Variants in NOX4 observed in about 807,000 individuals in gnomAD.
NOX4 encodes kidney oxidase-1.
Under a neutral mutation model 87.6 loss-of-function variants are expected in NOX4, and 69 were observed. That is an observed-to-expected ratio of 0.79 (90% CI 0.65 to 0.96). The LOEUF is 0.96. Ranked by LOEUF, NOX4 falls within the 40% of genes least tolerant of loss-of-function variation. The pLI is 0.00. For synonymous variants in NOX4, 275 were observed against 238.2 expected, an observed-to-expected ratio of 1.15 and a Z score of -1.42; for missense variants, 680 against 681.5, an observed-to-expected ratio of 1.00 and a Z score of 0.02.
the NOX4 span, among the ~76,000 whole-genome samples, chr11:89,571,485 C>T: frequency 1.3e-5 from 2 of 151,922 alleles, no homozygotes; most frequent in African/African-American, 2.4e-5. Context: ...GTAGTAGAGA[C>T]GGCATTTCAC....
chr11:89,331,099 G>T (rs1945449503), intron 17 of NOX4, among the ~76,000 whole-genome samples: 2 of 151,820 alleles, frequency 1.3e-5, no homozygotes, highest in African/African-American at 4.8e-5. Flanking sequence ...CAATAAAACA[G>T]GTGTCAATAC....
intron 6 of NOX4, among the ~76,000 whole-genome samples, chr11:89,439,831 T>C (rs1448579597): frequency 6.6e-6 from 1 of 152,276 alleles, no homozygotes; most frequent in East Asian, 1.9e-4. Flanking sequence ...ACAATAAGCT[T>C]GAAAAGGAAA....
In NOX4 at chr11:89,440,674, G is replaced by A. The variant is rs1368053226; in HGVS notation, c.475+14C>T. 2.0e-6 allele frequency: 3 copies of A among 1,532,004 alleles called. No individual in the cohort carries two copies. The highest frequency in any genetic ancestry group is 2.7e-6 in the Non-Finnish European group (3 of 1,124,490). The allele number at this position is 1,532,004 out of a possible 1,614,324, so 94.9% of individuals were successfully genotyped here. ...TTCCTAAACCTAAAGAAAAGGCTAA[G>A]AATAACAACTTACCAGTTGTGAAGA... On this transcript the variant is annotated intron_variant, in intron 6 of 17. Transcript: ENST00000263317.
the NOX4 span, among the ~76,000 whole-genome samples, chr11:89,538,631 T>C: frequency 6.6e-6 from 1 of 152,178 alleles, no homozygotes; most frequent in African/African-American, 2.4e-5. Context: ...AAATGACCTT[T>C]CTACATCTTC....
chr11:89,549,908 T>G, the NOX4 span, among the ~76,000 whole-genome samples: 1 of 152,380 alleles, frequency 6.6e-6, no homozygotes, highest in Non-Finnish European at 1.5e-5. Context: ...TTGATGGGCA[T>G]TTGGATTCAT....
chr11:89,488,978 G>T, intron 2 of NOX4: 1 of 702,630 alleles, frequency 1.4e-6, no homozygotes, highest in Non-Finnish European at 2.6e-6. Flanking sequence ...GAAATGTATA[G>T]GTTTCAAGAC....
chr11:89,474,906 A>G (rs1946099772), intron 2 of NOX4, among the ~76,000 whole-genome samples: 1 of 152,044 alleles, frequency 6.6e-6, no homozygotes, highest in Non-Finnish European at 1.5e-5. Context: ...ATCTAATAAC[A>G]TGTCCAAAGG....
At chr11:89,368,826 G>A (rs1939216155) in intron 12 of NOX4, among the ~76,000 whole-genome samples, 2 of 152,024 alleles carry the variant, frequency 1.3e-5, no homozygotes, top group Non-Finnish European at 2.9e-5. Flanking sequence ...GGTGGGAAGA[G>A]AAGCACTTCT....
chr11:89,473,133 A>G (rs1946015700), intron 2 of NOX4, among the ~76,000 whole-genome samples: 1 of 152,130 alleles, frequency 6.6e-6, no homozygotes, highest in Non-Finnish European at 1.5e-5. Flanking sequence ...AGGTTTCAAA[A>G]CTTACAGAGC....
the NOX4 span, among the ~76,000 whole-genome samples, chr11:89,565,717 A>G: frequency 2.6e-5 from 4 of 151,288 alleles, no homozygotes; most frequent in Non-Finnish European, 5.9e-5. Context: ...CCTAAAACTT[A>G]AAGTATAATA....
chr11:89,432,289 T>C (rs191950293), intron 7 of NOX4, among the ~76,000 whole-genome samples: 2,492 of 152,076 alleles, frequency 0.016, 82 homozygotes, highest in African/African-American at 0.056. Flanking sequence ...ACATGGCACA[T>C]GTATACATAT....
At chr11:89,395,582 C>T (rs1434380276) in intron 11 of NOX4, among the ~76,000 whole-genome samples, 5 of 152,096 alleles carry the variant, frequency 3.3e-5, no homozygotes, top group African/African-American at 7.2e-5. Flanking sequence ...CTTGCCCATG[C>T]CTATGTCCTG....
intron 4 of NOX4, 26 bp downstream of exon 4, chr11:89,449,414 T>C (rs1944850768): frequency 6.7e-7 from 1 of 1,496,690 alleles, no homozygotes. Context: ...TCTAACAAAT[T>C]ATTTAATATC....
At chr11:89,400,405 T>C (rs1941766516) in intron 9 of NOX4, 26 bp from the exon 10 acceptor site, 2 of 1,546,698 alleles carry the variant, frequency 1.3e-6, no homozygotes, top group Non-Finnish European at 8.7e-7. Context: ...GAAAATATAC[T>C]TCAAGAAATA....
rs545525971 is a variant in NOX4, at chr11:89,406,379, G to T, written c.630-3837C>A. On this transcript the variant is annotated intron_variant, in intron 8 of 17. Coordinates refer to ENST00000263317, the MANE Select transcript of NOX4 (RefSeq NM_016931.5). Reference sequence around the variant, plus strand: ...GTACCTTTATTTATTTTAGATGCATGCCTTTCTTTAAAGTAGAATGAAATC... The same window carrying T: ...GTACCTTTATTTATTTTAGATGCATTCCTTTCTTTAAAGTAGAATGAAATC... Among the ~76,000 whole-genome samples, 22 of 152,102 alleles carry T rather than the reference G, an allele frequency of 1.4e-4. No individual in the cohort carries two copies. In the East Asian group the frequency reaches 3.7e-3, roughly 25 times the overall value.
chr11:89,351,469 A>G (rs971355972), intron 13 of NOX4, among the ~76,000 whole-genome samples: 3 of 152,198 alleles, frequency 2.0e-5, no homozygotes, highest in Non-Finnish European at 4.4e-5. Context: ...TTCAATGTAG[A>G]CAAGACAGCC....
chr11:89,340,298 G>A (rs1945924133), intron 14 of NOX4, 127 bp from the exon 15 acceptor site: 1 of 619,908 alleles, frequency 1.6e-6, no homozygotes, highest in Non-Finnish European at 2.8e-6. Flanking sequence ...GAAACCAACA[G>A]AAAAATCAGT....
At chr11:89,489,349 C>A (rs918194859) in intron 2 of NOX4, among the ~76,000 whole-genome samples, 2 of 151,714 alleles carry the variant, frequency 1.3e-5, no homozygotes, top group African/African-American at 4.8e-5. Context: ...TTTTCTGCAC[C>A]CCCCCACTCA....
chr11:89,448,436 A>G (rs577765100), intron 4 of NOX4, among the ~76,000 whole-genome samples: 2 of 152,320 alleles, frequency 1.3e-5, no homozygotes, highest in African/African-American at 2.4e-5. Context: ...CACAAAGATC[A>G]TTGCTTTATT....
Sources: allele counts gnomAD v4.1 joint callset (sites outside exome capture counted in the v4.1 genomes callset), GRCh38; gene constraint gnomAD v4.1.1; transcripts MANE v1.5; gene names NCBI Gene and HGNC (gene_info 2026-07-23, HGNC 2026-07-21).